OR3A2: variants seen among roughly 807,000 people sequenced by gnomAD.
OR3A2 encodes the protein olfactory receptor family 3 subfamily A member 2, also known as olfactory receptor 3A2.
For missense variants in OR3A2, 318 were observed against 392.8 expected, an observed-to-expected ratio of 0.81 and a Z score of 1.61; for synonymous variants, 126 against 159.3, an observed-to-expected ratio of 0.79 and a Z score of 1.57.
intron 3 of OR3A2, among the ~76,000 whole-genome samples, chr17:3,299,603 T>C (rs1466485409): frequency 6.6e-6 from 1 of 152,210 alleles, no homozygotes; most frequent in Non-Finnish European, 1.5e-5. Flanking sequence ...CTCAATGTCC[T>C]ACTCCCTGTT....
chr17:3,359,953 A>G (rs1035757143), intron 2 of OR3A2, among the ~76,000 whole-genome samples: 1 of 151,730 alleles, frequency 6.6e-6, no homozygotes, highest in Non-Finnish European at 1.5e-5. Flanking sequence ...GGATGGCTGG[A>G]TCAAATGGTA....
At chr17:3,382,962 A>T (rs1162325960) in intron 2 of OR3A2, among the ~76,000 whole-genome samples, 1 of 152,184 alleles carries the variant, frequency 6.6e-6, no homozygotes, top group East Asian at 1.9e-4. Flanking sequence ...GGCACTCAAT[A>T]AAGGGGCATG....
intron 3 of OR3A2, chr17:3,291,275 G>T (rs572296796): frequency 5.1e-6 from 1 of 195,818 alleles, no homozygotes; most frequent in Non-Finnish European, 1.0e-5. Context: ...GACTTCTGGC[G>T]GGGAGTTTTC....
At chr17:3,327,982 A>C (rs2150640003) in intron 3 of OR3A2, among the ~76,000 whole-genome samples, 1 of 141,040 alleles carries the variant, frequency 7.1e-6, no homozygotes, top group African/African-American at 2.8e-5. Context: ...GTTTGAAGTC[A>C]GGTAGTGTGA....
chr17:3,370,205 A>G (rs1270603219), intron 2 of OR3A2, among the ~76,000 whole-genome samples: 2 of 152,074 alleles, frequency 1.3e-5, no homozygotes, highest in African/African-American at 2.4e-5. Context: ...CAATCTTGCT[A>G]CTTGTTCTTG....
At chr17:3,369,989 A>G (rs1273938369) in intron 2 of OR3A2, among the ~76,000 whole-genome samples, 1 of 151,958 alleles carries the variant, frequency 6.6e-6, no homozygotes, top group Non-Finnish European at 1.5e-5. Flanking sequence ...TTTTTTGTAG[A>G]TGATGGGTTT....
At chr17:3,385,610 G>A (rs1183621198) in intron 1 of OR3A2, among the ~76,000 whole-genome samples, 1 of 152,098 alleles carries the variant, frequency 6.6e-6, no homozygotes, top group Non-Finnish European at 1.5e-5. Flanking sequence ...CATTAAAGAA[G>A]AAGAAACTGA....
upstream of OR3A2, among the ~76,000 whole-genome samples, chr17:3,286,956 T>C (rs530527261): frequency 6.6e-6 from 1 of 152,336 alleles, no homozygotes; most frequent in African/African-American, 2.4e-5. Flanking sequence ...TTGTTGCCAT[T>C]GCTTTTGGTG....
At chr17:3,326,230 G>A (rs2049170592) in intron 3 of OR3A2, among the ~76,000 whole-genome samples, 1 of 152,030 alleles carries the variant, frequency 6.6e-6, no homozygotes, top group African/African-American at 2.4e-5. Context: ...TTGCTATTAT[G>A]AATAGTGCTG....
chr17:3,311,078 G>T lies in OR3A2; in HGVS notation c.-85+24955C>A. ...TCACTGTGGTGGGCATCTTCTATGG[G>T]ACGGGCGTCTTCAGCTACACAAGGC... On this transcript the variant is annotated intron_variant, in intron 3 of 4. Transcript: ENST00000573491. The surrounding 1 kb of genome is among the most constrained non-coding windows in gnomAD (Gnocchi z 4.6). 1 of 544,598 alleles carries T rather than the reference G, an allele frequency of 1.8e-6. No individual in the cohort carries two copies. The highest frequency in any genetic ancestry group is 1.4e-5 in the South Asian group (1 of 72,524). The allele number at this position is 544,598 out of a possible 1,614,324, so 33.7% of individuals were successfully genotyped here.
intron 3 of OR3A2, among the ~76,000 whole-genome samples, chr17:3,333,964 C>T (rs1334467449): frequency 6.6e-6 from 1 of 152,088 alleles, no homozygotes; most frequent in African/African-American, 2.4e-5. Flanking sequence ...AGACACTTCT[C>T]AAAAGAAGAC....
chr17:3,286,548 C>T (rs529126931), upstream of OR3A2, among the ~76,000 whole-genome samples: 75 of 152,264 alleles, frequency 4.9e-4, no homozygotes, highest in African/African-American at 1.8e-3. Flanking sequence ...TAAAAGCATT[C>T]CTATTTCTCC....
intron 3 of OR3A2, among the ~76,000 whole-genome samples, chr17:3,303,186 T>C (rs2048977987): frequency 6.6e-6 from 1 of 152,196 alleles, no homozygotes; most frequent in Admixed American, 6.5e-5. Context: ...TTCAGGTAGA[T>C]GTGATACTTA....
chr17:3,279,003 G>A (rs1870593603), intron 1 of OR3A2, 73 bp downstream of exon 4: 1 of 1,557,038 alleles, frequency 6.4e-7, no homozygotes, highest in African/African-American at 1.4e-5. Context: ...AACCATTTAT[G>A]TTCAAAGCCC....
intron 3 of OR3A2, among the ~76,000 whole-genome samples, chr17:3,305,705 T>A (rs957230801): frequency 3.3e-5 from 5 of 152,342 alleles, no homozygotes; most frequent in African/African-American, 1.2e-4. Flanking sequence ...GAAGCTCAAA[T>A]ATAAAGACAG....
rs2049237661 is a variant in OR3A2 at position 3,331,852 on chromosome 17, A to T, written c.-85+4181T>A. ...TTTCCCCATCTTTGTGGTTTTATCT[A>T]CTTTTTGTCTTTGATGATGGTGATG... On this transcript the variant is annotated intron_variant, in intron 3 of 4. Transcript: ENST00000573491. 2.0e-5 allele frequency among the ~76,000 whole-genome samples: 3 copies of T among 150,564 alleles called. 1 individual carries two copies. The South Asian group carries it at 6.3e-4, about 32-fold the overall frequency.
upstream of OR3A2, among the ~76,000 whole-genome samples, chr17:3,285,281 T>G (rs1340173473): frequency 6.6e-6 from 1 of 151,778 alleles, no homozygotes; most frequent in African/African-American, 2.4e-5. Context: ...CACCAGGGAG[T>G]TGTGGTGCAG....
chr17:3,295,583 T>C (rs1002711308), intron 3 of OR3A2, among the ~76,000 whole-genome samples: 1 of 151,932 alleles, frequency 6.6e-6, no homozygotes, highest in African/African-American at 2.4e-5. Flanking sequence ...ACAAAATTAG[T>C]ACCAAACACA....
chr17:3,320,638 C>A lies in OR3A2; in HGVS notation c.-85+15395G>T, dbSNP rs1334701729. ...CAGCACCATTTATTAAATAGGGAATCCTTTCCCCATTGCTTGGTTTTCTCA... is the reference window on the plus strand; with the variant it reads ...CAGCACCATTTATTAAATAGGGAATACTTTCCCCATTGCTTGGTTTTCTCA... On this transcript the variant is annotated intron_variant, in intron 3 of 4. Transcript: ENST00000573491. Among the ~76,000 whole-genome samples the A allele has an allele frequency of 5.9e-5, 9 of 151,444 alleles. No individual in the cohort carries two copies. In the East Asian group the frequency reaches 1.6e-3, roughly 26 times the overall value.
Sources: allele counts gnomAD v4.1 joint callset (sites outside exome capture counted in the v4.1 genomes callset), GRCh38; gene constraint gnomAD v4.1.1; non-coding constraint Gnocchi (gnomAD v3.1); transcripts MANE v1.5; gene names NCBI Gene and HGNC (gene_info 2026-07-23, HGNC 2026-07-21).